Variants in MAPKAPK5 observed in about 807,000 individuals in gnomAD.
MAPKAPK5 encodes the protein MAPK activated protein kinase 5, also known as MAP kinase-activated protein kinase 5.
A neutral mutation model predicts 65.1 loss-of-function variants in MAPKAPK5; 30 were observed. That is an observed-to-expected ratio of 0.46 (90% CI 0.34 to 0.63). The LOEUF (loss-of-function observed/expected upper bound fraction) is 0.63, where lower values mean the gene tolerates loss of function less well. MAPKAPK5 is among the 20% of genes least tolerant of loss of function. The pLI is 0.01. For missense variants in MAPKAPK5, 433 were observed against 581.4 expected, an observed-to-expected ratio of 0.74 and a Z score of 2.63; for synonymous variants, 179 against 204.6, an observed-to-expected ratio of 0.87 and a Z score of 1.07.
chr12:111,878,812 A>C (rs2070088985), intron 7 of MAPKAPK5, among the ~76,000 whole-genome samples: 1 of 152,164 alleles, frequency 6.6e-6, no homozygotes, highest in Non-Finnish European at 1.5e-5. Context: ...CCTTTGTCAA[A>C]AATCATGGAG....
Position 111,896,015 on chromosome 12 carries a change from G to GA in MAPKAPK5, c.*2956dup, listed in dbSNP as rs2070799457. On this transcript the variant is annotated 3_prime_UTR_variant, in exon 14 of 14. Transcript: ENST00000550735. ...TACTGCACTTGTTTGTGTAATATTA[G>GA]AACAACTGTAGTTTTCCTATCTTAG... is the stretch of plus-strand genomic sequence containing the variant. 6.6e-6 allele frequency: 1 copy of GA among 152,112 alleles called. No homozygotes were observed. Among genetic ancestry groups the GA allele is most frequent in the South Asian group, 2.1e-4 (1 of 4,826 alleles). 9.4% of individuals were successfully genotyped at this position (152,112 alleles called of 1,614,324 possible).
Position 111,882,810 on chromosome 12 carries a change from AAACTGCTT to A in MAPKAPK5, c.661-770_661-763del. On this transcript the variant is annotated intron_variant, in intron 8 of 13. Transcript: ENST00000550735. ...TCCAGTCCTCTCCATGATCTGTGTC[AAACTGCTT>A]TGGGCCTTTATGAAGTGGCCTGTGC... 6.1e-6 allele frequency: 6 copies of A among 985,510 alleles called. No homozygotes were observed. In the South Asian group the frequency reaches 2.8e-4, roughly 46 times the overall value. The allele number at this position is 985,510 out of a possible 1,614,324, so 61.0% of individuals were successfully genotyped here.
chr12:111,890,203 C>T (rs2070555709), intron 13 of MAPKAPK5, 59 bp downstream of exon 13: 6 of 1,255,966 alleles, frequency 4.8e-6, no homozygotes. Flanking sequence ...ATGTTTAGAA[C>T]ATATAGGATC....
At chr12:111,888,832 A>G (rs750705491) in intron 11 of MAPKAPK5, 53 bp from the exon 12 acceptor site, 63 of 1,601,750 alleles carry the variant, frequency 3.9e-5, no homozygotes, top group Non-Finnish European at 4.9e-5. Flanking sequence ...ATCTGTCCAG[A>G]GTTGGTTTTT....
In MAPKAPK5 at chr12:111,900,306, G is replaced by A. The variant is rs1232998578; in HGVS notation, c.*7245G>A. 7 of 455,980 alleles carry A rather than the reference G, an allele frequency of 1.5e-5. No individual in the cohort carries two copies. The highest frequency in any genetic ancestry group is 2.6e-5 in the Non-Finnish European group (6 of 226,814). The allele number at this position is 455,980 out of a possible 1,614,324, so 28.2% of individuals were successfully genotyped here. A position where few individuals can be genotyped will look rare whatever the true frequency, so the allele number is the denominator to read the frequency against. ...TGCCTGCTCAAGCGGTTTTGCGGCA[G>A]CTGTTGAATCCTTCCATCATGAAGA... On this transcript the variant is annotated 3_prime_UTR_variant, in exon 14 of 14. Coordinates refer to ENST00000550735, the MANE Select transcript of MAPKAPK5 (RefSeq NM_003668.4).
chr12:111,891,975 T>C (rs2070631289), intron 13 of MAPKAPK5, among the ~76,000 whole-genome samples: 1 of 152,188 alleles, frequency 6.6e-6, no homozygotes, highest in South Asian at 2.1e-4. Context: ...CCTCCCTCCA[T>C]TCAAAGGTAA....
intron 6 of MAPKAPK5, 142 bp from the exon 7 acceptor site, chr12:111,870,942 TG>T: frequency 1.6e-6 from 1 of 627,632 alleles, no homozygotes. Flanking sequence ...TCTCCAGACC[TG>T]GGGACATGTT....
At chr12:111,864,063 G>A (rs1302030601) in intron 1 of MAPKAPK5, among the ~76,000 whole-genome samples, 1 of 152,068 alleles carries the variant, frequency 6.6e-6, no homozygotes, top group Admixed American at 6.6e-5. Context: ...GAAGTCAGGA[G>A]TTTGAAACCA....
At chr12:111,851,193 C>T (rs545180477) in intron 1 of MAPKAPK5, among the ~76,000 whole-genome samples, 34 of 150,866 alleles carry the variant, frequency 2.3e-4, no homozygotes, top group Admixed American at 4.6e-4. Flanking sequence ...CCACCGTGCC[C>T]GGCCAGGACT....
intron 1 of MAPKAPK5, among the ~76,000 whole-genome samples, chr12:111,854,805 A>G (rs1006084095): frequency 2.6e-5 from 4 of 152,162 alleles, no homozygotes; most frequent in Non-Finnish European, 4.4e-5. Flanking sequence ...CTAAAAGGCC[A>G]AGGCAACCCC....
intron 3 of MAPKAPK5, among the ~76,000 whole-genome samples, chr12:111,866,631 CAG>C (rs1412392114): frequency 6.6e-6 from 1 of 152,242 alleles, no homozygotes; most frequent in Non-Finnish European, 1.5e-5. Context: ...CTTTTTGAGA[CAG>C]AGTTTCACTC....
chr12:111,849,647 A>C (rs1351736311), intron 1 of MAPKAPK5, among the ~76,000 whole-genome samples: 2 of 152,118 alleles, frequency 1.3e-5, no homozygotes, highest in Non-Finnish European at 2.9e-5. Flanking sequence ...TTATCTTTTC[A>C]TTTTATAATG....
chr12:111,852,094 TC>T (rs1566226368), intron 1 of MAPKAPK5, among the ~76,000 whole-genome samples: 1 of 152,214 alleles, frequency 6.6e-6, no homozygotes, highest in Non-Finnish European at 1.5e-5. Context: ...ATTCAAGACT[TC>T]CTTTAGCTTT....
chr12:111,890,082 C>A lies in MAPKAPK5; in HGVS notation c.1259C>A (p.Ala420Asp). Residue 420 changes from alanine to aspartate, a missense_variant, in exon 13 of 14, where the codon GCT (alanine) becomes GAT (aspartate). This residue lies in a region of MAPKAPK5 where 169 missense variants were observed against 215.6 expected (regional missense o/e 0.78). Transcript: ENST00000550735. ...AAACTGAATGAAGTAATGCAGGAGG[C>A]TTGGAAGTATAACCGGGAATGCAAA... ...DEKLNEVMQE[A>D]WKYNRECKLL... The A allele has an allele frequency of 6.3e-7, 1 of 1,599,868 alleles. No homozygotes were observed. Among genetic ancestry groups the A allele is most frequent in the Admixed American group, 1.7e-5 (1 of 57,876 alleles).
chr12:111,846,498 T>C (rs1353428514), intron 1 of MAPKAPK5, among the ~76,000 whole-genome samples: 1 of 147,008 alleles, frequency 6.8e-6, no homozygotes, highest in Non-Finnish European at 1.5e-5. Context: ...AAGTTTCTTT[T>C]TCTTTTTTTT....
chr12:111,888,050 T>C, intron 10 of MAPKAPK5: 1 of 172,956 alleles, frequency 5.8e-6, no homozygotes, highest in Non-Finnish European at 1.2e-5. Flanking sequence ...GTGGCCTCGG[T>C]CATGTGGCCT....
chr12:111,890,682 G>A (rs2070572095), intron 13 of MAPKAPK5, among the ~76,000 whole-genome samples: 2 of 152,194 alleles, frequency 1.3e-5, no homozygotes. Context: ...TCTTGAGGCG[G>A]AGTTTCACTC....
chr12:111,889,024 T>C (rs188654438), intron 12 of MAPKAPK5, 24 bp downstream of exon 12: 2 of 1,556,562 alleles, frequency 1.3e-6, no homozygotes, highest in East Asian at 4.8e-5. Flanking sequence ...CATTTACTAA[T>C]CCTCTGTGTG....
chr12:111,889,699 A>G (rs2070539341), intron 12 of MAPKAPK5: 1 of 237,394 alleles, frequency 4.2e-6, no homozygotes, highest in African/African-American at 2.2e-5. Flanking sequence ...AAATGAGCTT[A>G]GGGGAGAGAA....
Sources: gnomAD v4.1 joint callset for allele counts (sites outside exome capture counted in the v4.1 genomes callset) on GRCh38, gnomAD v4.1.1 for gene constraint, gnomAD v4.1.1 regional missense constraint, MANE v1.5 for transcripts, NCBI Gene and HGNC (gene_info 2026-07-23, HGNC 2026-07-21) for gene names.